The following KCNN1 variants were observed in gnomAD, a reference collection of about 807,000 sequenced individuals.
KCNN1 encodes potassium calcium-activated channel subfamily N member 1, also known as small conductance calcium-activated potassium channel protein 1.
In KCNN1, 20 loss-of-function variants were observed where a neutral mutation model predicts 44.7. That is an observed-to-expected ratio of 0.45 (90% CI 0.32 to 0.65). The LOEUF is 0.65. Among genes scored for constraint, KCNN1 ranks in the 30% least tolerant of loss-of-function variants. The probability of loss-of-function intolerance (pLI) is 0.05; values close to 1 mark genes in which losing one functional copy is unlikely to be tolerated. For missense variants in KCNN1, 632 were observed against 785.3 expected (o/e 0.80, Z 2.33); for synonymous variants, 324 against 341.7 (o/e 0.95, Z 0.57).
intron 1 of KCNN1, among the ~76,000 whole-genome samples, chr19:17,952,833 TC>T (rs2031447915): frequency 6.6e-6 from 1 of 151,438 alleles, no homozygotes; most frequent in Non-Finnish European, 1.5e-5. Context: ...TTCCCTAAGC[TC>T]CCTCCCTTCC....
intron 6 of KCNN1, among the ~76,000 whole-genome samples, chr19:17,988,910 A>T (rs949411629): frequency 4.4e-5 from 6 of 137,808 alleles, no homozygotes; most frequent in African/African-American, 1.3e-4. Context: ...GACTCCGTTT[A>T]AAAAAAAAAA....
chr19:17,962,268 A>G (rs1319677396), upstream of KCNN1, among the ~76,000 whole-genome samples: 4 of 152,052 alleles, frequency 2.6e-5, no homozygotes, highest in Non-Finnish European at 1.5e-5. Context: ...TGGAGCTGCT[A>G]CCCTGCCTGC....
intron 3 of KCNN1, among the ~76,000 whole-genome samples, chr19:17,980,064 C>G (rs866158531): frequency 1.5e-5 from 2 of 137,824 alleles, no homozygotes; most frequent in African/African-American, 5.4e-5. Flanking sequence ...CTTTTTCTTT[C>G]TTTTTTTTTT....
Position 17,999,402 on chromosome 19 carries a change from A to T in KCNN1, c.*996A>T, listed in dbSNP as rs563884662. 6.6e-6 allele frequency: 1 copy of T among 152,654 alleles called. No homozygotes were observed. 9.5% of individuals were successfully genotyped at this position (152,654 alleles called of 1,614,324 possible). A position where few individuals can be genotyped will look rare whatever the true frequency, so the allele number is the denominator to read the frequency against. On this transcript the variant is annotated 3_prime_UTR_variant, in exon 10 of 10. Coordinates refer to ENST00000684775, the MANE Select transcript of KCNN1 (RefSeq NM_001386974.1). ...AAACCCTGTCTCTACTAAAAATATA[A>T]AAATTAGCTGGGTGTGGTGGTGCAC...
At chr19:17,990,084 C>T in intron 7 of KCNN1, 2 of 676,080 alleles carry the variant, frequency 3.0e-6, no homozygotes, top group Non-Finnish European at 5.4e-6. Flanking sequence ...TCTGGAATAA[C>T]CAGGATAATT....
At chr19:17,995,965 A>G (rs1003704367) in intron 9 of KCNN1, among the ~76,000 whole-genome samples, 4 of 152,166 alleles carry the variant, frequency 2.6e-5, no homozygotes, top group Non-Finnish European at 5.9e-5. Flanking sequence ...ACTGATAAAC[A>G]GTTGATTCAC....
intron 5 of KCNN1, 133 bp from the exon 6 acceptor site, chr19:17,988,282 G>A: frequency 1.5e-6 from 1 of 667,566 alleles, no homozygotes; most frequent in Non-Finnish European, 2.6e-6. Context: ...CCTGAAGTCA[G>A]TGAGCTCAGC....
At chr19:17,988,173 A>AAAAAG (rs2032667884) in intron 5 of KCNN1, among the ~76,000 whole-genome samples, 1 of 150,408 alleles carries the variant, frequency 6.6e-6, no homozygotes, top group Non-Finnish European at 1.5e-5. Context: ...AAAAAAAAAA[A>AAAAAG]AAAAGAATCG....
intron 1 of KCNN1, chr19:17,952,041 A>AG (rs2031422901): frequency 6.6e-6 from 1 of 152,208 alleles, no homozygotes. Context: ...CCCTGGGTGG[A>AG]GGGGGGAGAG....
intron 3 of KCNN1, among the ~76,000 whole-genome samples, chr19:17,980,884 C>T (rs1314019843): frequency 6.6e-6 from 1 of 151,848 alleles, no homozygotes; most frequent in Non-Finnish European, 1.5e-5. Flanking sequence ...CCAGCCCGGG[C>T]ACAGAGCAAG....
At chr19:17,990,103 T>G (rs1467007527) in intron 7 of KCNN1, 1 of 642,070 alleles carries the variant, frequency 1.6e-6, no homozygotes, top group Non-Finnish European at 2.9e-6. Context: ...TTCTTACCCT[T>G]TAGACTTTGA....
At chr19:17,988,580 A>G (rs887908925) in intron 6 of KCNN1, 55 bp downstream of exon 6, 43 of 1,299,200 alleles carry the variant, frequency 3.3e-5, no homozygotes, top group Non-Finnish European at 4.6e-5. Flanking sequence ...GCGAGCGTAG[A>G]ACTTCCCTGC....
chr19:17,992,880 C>CA (rs1185527595), intron 7 of KCNN1, among the ~76,000 whole-genome samples, 174 bp from the exon 8 acceptor site: 2 of 152,238 alleles, frequency 1.3e-5, no homozygotes, highest in African/African-American at 4.8e-5. Flanking sequence ...ACAGAACCCT[C>CA]AGAGGCTGGG....
At chr19:17,965,005 G>T (rs1350820836), upstream of KCNN1, among the ~76,000 whole-genome samples, 1 of 152,194 alleles carries the variant, frequency 6.6e-6, no homozygotes, top group Non-Finnish European at 1.5e-5. Flanking sequence ...GCCAGGCGCG[G>T]TGGCTCACGC....
chr19:17,998,552 C>T lies in KCNN1; in HGVS notation c.*146C>T. ...ACTGAGGCCTGCCCCGCCCAGACTG[C>T]CCAGGCAGAGGGCAGGGCTGGACCA... is the stretch of plus-strand genomic sequence containing the variant. On this transcript the variant is annotated 3_prime_UTR_variant, in exon 10 of 10. Transcript: ENST00000684775. The surrounding 1 kb of genome is among the most constrained non-coding windows in gnomAD (Gnocchi z 5.4). The T allele has an allele frequency of 1.2e-6, 1 of 862,606 alleles. No individual in the cohort carries two copies. The highest frequency in any genetic ancestry group is 1.7e-6 in the Non-Finnish European group (1 of 591,502). The allele number at this position is 862,606 out of a possible 1,614,324, so 53.4% of individuals were successfully genotyped here.
upstream of KCNN1, among the ~76,000 whole-genome samples, chr19:17,963,741 T>C (rs929868792): frequency 2.1e-5 from 3 of 145,286 alleles, no homozygotes; most frequent in African/African-American, 7.6e-5. Flanking sequence ...TTTTTTTTTT[T>C]GTGAGATAGG....
chr19:17,967,446 G>T (rs948008402), intron 1 of KCNN1, 129 bp downstream of exon 1: 71 of 299,446 alleles, frequency 2.4e-4, no homozygotes, highest in African/African-American at 1.4e-3. Context: ...TCTCCGTGCG[G>T]TCCGGAGCCT....
intron 9 of KCNN1, among the ~76,000 whole-genome samples, chr19:17,994,483 G>A (rs1258167416): frequency 6.6e-6 from 1 of 150,616 alleles, no homozygotes; most frequent in African/African-American, 2.4e-5. Context: ...ATCAGTTTGT[G>A]TTATACATGG....
intron 1 of KCNN1, among the ~76,000 whole-genome samples, chr19:17,972,490 C>T (rs1384996986): frequency 6.6e-6 from 1 of 152,172 alleles, no homozygotes; most frequent in African/African-American, 2.4e-5. Context: ...CTTACAAAGC[C>T]CTGCAGAATC....
Sources: gnomAD v4.1 joint callset for allele counts (sites outside exome capture counted in the v4.1 genomes callset) on GRCh38, gnomAD v4.1.1 for gene constraint, Gnocchi (gnomAD v3.1) non-coding constraint, MANE v1.5 for transcripts, NCBI Gene and HGNC (gene_info 2026-07-23, HGNC 2026-07-21) for gene names.